HTRA1: variants seen among roughly 807,000 people sequenced by gnomAD.
HTRA1 encodes the protein serine protease HTRA1.
Under a neutral mutation model 49.7 loss-of-function variants are expected in HTRA1, and 26 were observed. The observed-to-expected ratio is 0.52, with a 90% CI of 0.38 to 0.73. HTRA1 has a LOEUF of 0.73. HTRA1 is among the 30% of genes least tolerant of loss of function. The probability of loss-of-function intolerance (pLI) is 0.00; values close to 1 mark genes in which losing one functional copy is unlikely to be tolerated. For synonymous variants in HTRA1, 291 were observed against 286.9 expected (o/e 1.01, Z -0.14); for missense variants, 561 against 667.2 (o/e 0.84, Z 1.75).
rs2097507033 is a variant in HTRA1 at position 122,514,443 on chromosome 10, A to G, written c.*84A>G. ...GAGGACTCTGGGCTGCTGGAATAGG[A>G]CACTCAAGACTTTTGACTGCCATTT... On this transcript the variant is annotated 3_prime_UTR_variant, in exon 9 of 9. Coordinates refer to ENST00000368984, the MANE Select transcript of HTRA1 (RefSeq NM_002775.5). 3 of 1,362,554 alleles carry G rather than the reference A, an allele frequency of 2.2e-6. No individual in the cohort carries two copies. Among genetic ancestry groups the G allele is most frequent in the Middle Eastern group, 4.2e-4 (2 of 4,754 alleles). The allele number at this position is 1,362,554 out of a possible 1,614,324, so 84.4% of individuals were successfully genotyped here.
At chr10:122,471,414 C>G (rs2097486077) in intron 1 of HTRA1, among the ~76,000 whole-genome samples, 2 of 152,194 alleles carry the variant, frequency 1.3e-5, no homozygotes, top group African/African-American at 4.8e-5. Flanking sequence ...ATTGGCCAAA[C>G]ATATAGTCCT....
chr10:122,509,149 C>A (rs2133451191), intron 6 of HTRA1, among the ~76,000 whole-genome samples: 1 of 152,280 alleles, frequency 6.6e-6, no homozygotes, highest in East Asian at 1.9e-4. Context: ...ACGTTTATTG[C>A]CCCATCTGCT....
intron 1 of HTRA1, among the ~76,000 whole-genome samples, chr10:122,470,123 C>A (rs966419757): frequency 6.6e-6 from 1 of 152,112 alleles, no homozygotes; most frequent in Non-Finnish European, 1.5e-5. Context: ...TCAACTGTAT[C>A]CTTCCTGATT....
chr10:122,485,483 G>T (rs1476335259), intron 1 of HTRA1, among the ~76,000 whole-genome samples: 1 of 152,186 alleles, frequency 6.6e-6, no homozygotes. Flanking sequence ...GACATAGAAG[G>T]TTGGAGCTGG....
Position 122,506,188 on chromosome 10 carries a change from G to T in HTRA1, c.778-503G>T, listed in dbSNP as rs1412695370. Reference sequence around the variant, plus strand: ...CCTGAGTCAGTACAGTTCCCTGCCCGCAGAGCACCCCAAATATTCCAGGCC... The same window carrying T: ...CCTGAGTCAGTACAGTTCCCTGCCCTCAGAGCACCCCAAATATTCCAGGCC... On this transcript the variant is annotated intron_variant, in intron 3 of 8. Transcript: ENST00000368984. The surrounding 1 kb of genome is among the most constrained non-coding windows in gnomAD (Gnocchi z 5.2). 1.3e-5 allele frequency among the ~76,000 whole-genome samples: 2 copies of T among 151,604 alleles called. No individual in the cohort carries two copies. The highest frequency in any genetic ancestry group is 4.8e-5 in the African/African-American group (2 of 41,296).
Position 122,462,067 on chromosome 10 carries a change from T to G in HTRA1, c.415T>G (p.Ser139Ala), listed in dbSNP as rs530087850. 83 of 1,535,922 alleles carry G rather than the reference T, an allele frequency of 5.4e-5. No individual in the cohort carries two copies. In the African/African-American group the frequency reaches 9.2e-4, roughly 17 times the overall value. ...LCQLRAASRR[S>A]ERLHRPPVIV... ...CCAGCTGCGCGCCGCCAGCCGCCGC[T>G]CCGAGAGGCTGCACCGGCCGCCGGT... Residue 139 changes from serine to alanine, a missense_variant, in exon 1 of 9, where the codon TCC becomes GCC. Coordinates refer to ENST00000368984, the MANE Select transcript of HTRA1 (RefSeq NM_002775.5).
chr10:122,509,948 G>A (rs2097504845), intron 6 of HTRA1, 148 bp from the exon 7 acceptor site: 2 of 717,904 alleles, frequency 2.8e-6, no homozygotes, highest in South Asian at 3.0e-5. Context: ...CAGAGGGGAG[G>A]GGTCCAGACC....
At chr10:122,485,187 T>C (rs2097492571) in intron 1 of HTRA1, among the ~76,000 whole-genome samples, 15 of 152,270 alleles carry the variant, frequency 9.9e-5, no homozygotes, top group Admixed American at 9.8e-4. Flanking sequence ...TGACATTTTG[T>C]CCATCTTTGA....
intron 8 of HTRA1, among the ~76,000 whole-genome samples, chr10:122,512,726 T>TG (rs1312686187): frequency 6.6e-6 from 1 of 152,204 alleles, no homozygotes; most frequent in Non-Finnish European, 1.5e-5. Context: ...CATAGGTTTT[T>TG]GGGGGAACAG....
chr10:122,493,504 T>G (rs1383466556), intron 3 of HTRA1, among the ~76,000 whole-genome samples: 1 of 151,238 alleles, frequency 6.6e-6, no homozygotes, highest in Admixed American at 6.6e-5. Flanking sequence ...CCCTGCGGGG[T>G]TTTTTTTTCC....
intron 1 of HTRA1, among the ~76,000 whole-genome samples, chr10:122,475,206 G>GC (rs1255325763): frequency 6.6e-5 from 10 of 152,180 alleles, no homozygotes; most frequent in African/African-American, 2.2e-4. Context: ...TCTTGGCCCA[G>GC]CCCCTGCAAC....
At chr10:122,477,882 A>T (rs2097489351) in intron 1 of HTRA1, among the ~76,000 whole-genome samples, 1 of 145,352 alleles carries the variant, frequency 6.9e-6, no homozygotes. Flanking sequence ...CCTTTGAAAG[A>T]ACTTTTATTT....
At chr10:122,511,919 G>T (rs1318818605) in intron 7 of HTRA1, 51 bp from the exon 8 acceptor site, 2 of 1,361,986 alleles carry the variant, frequency 1.5e-6, no homozygotes, top group Admixed American at 1.7e-5. Flanking sequence ...TTTGCGTGAG[G>T]AAGGCCTGGT....
At chr10:122,486,092 A>G (rs2097492987) in intron 1 of HTRA1, among the ~76,000 whole-genome samples, 4 of 152,192 alleles carry the variant, frequency 2.6e-5, no homozygotes, top group Admixed American at 6.5e-5. Context: ...GATCTGTAGG[A>G]GGCCAGTGTT....
chr10:122,512,012 C>T lies in HTRA1; in HGVS notation c.1221C>T (p.Asp407=), dbSNP rs11538140. 3.4e-3 allele frequency: 5,530 copies of T among 1,613,950 alleles called. 20 individuals are homozygous for T. Among genetic ancestry groups the T allele is most frequent in the East Asian group, 0.017 (771 of 44,862 alleles). Residue 407 remains aspartate, a synonymous_variant, in exon 8 of 9, where the codon GAC becomes GAT. Transcript: ENST00000368984. The part of the protein sequence containing the change: ...ELKDRHRDFP[D]VISGAYIIEV... ...AGGACCGGCACCGGGACTTCCCAGA[C>T]GTGATCTCAGGAGCGTATATAATTG...
At chr10:122,475,779 G>A (rs997127982) in intron 1 of HTRA1, among the ~76,000 whole-genome samples, 2 of 152,214 alleles carry the variant, frequency 1.3e-5, no homozygotes, top group Admixed American at 1.3e-4. Flanking sequence ...GCCCTGGAAT[G>A]TGCAGTACCA....
chr10:122,512,120 A>G, intron 8 of HTRA1, 55 bp downstream of exon 8: 3 of 1,226,922 alleles, frequency 2.4e-6, no homozygotes, highest in East Asian at 4.8e-5. Flanking sequence ...CTGTGGGGGT[A>G]GCAGGAAGAG....
At chr10:122,473,258 C>T (rs144427789) in intron 1 of HTRA1, among the ~76,000 whole-genome samples, 17 of 152,234 alleles carry the variant, frequency 1.1e-4, no homozygotes, top group African/African-American at 4.1e-4. Context: ...TTCTAACACT[C>T]GTGTCTCAGG....
At chr10:122,508,029 G>GCAGCT (rs2097503921) in intron 5 of HTRA1, among the ~76,000 whole-genome samples, 10 of 152,268 alleles carry the variant, frequency 6.6e-5, no homozygotes, top group East Asian at 3.9e-4. Context: ...ATTTATAGGG[G>GCAGCT]CTGTCTTTAG....
Sources: allele counts gnomAD v4.1 joint callset (sites outside exome capture counted in the v4.1 genomes callset), GRCh38; gene constraint gnomAD v4.1.1; non-coding constraint Gnocchi (gnomAD v3.1); transcripts MANE v1.5; gene names NCBI Gene and HGNC (gene_info 2026-07-23, HGNC 2026-07-21).